The following SDC2 variants were observed in gnomAD, a reference collection of about 807,000 sequenced individuals.
SDC2 encodes syndecan-2.
In SDC2, 13 loss-of-function variants were observed where a neutral mutation model predicts 22.2. The observed-to-expected ratio is 0.59, with a 90% CI of 0.38 to 0.93. The LOEUF is 0.93. Among genes scored for constraint, SDC2 ranks in the 40% least tolerant of loss-of-function variants. The pLI, the probability that SDC2 is intolerant of heterozygous loss-of-function variation, is 0.00. For missense variants in SDC2, 235 were observed against 246.8 expected, an observed-to-expected ratio of 0.95 and a Z score of 0.32; for synonymous variants, 94 against 92.8, an observed-to-expected ratio of 1.01 and a Z score of -0.07.
At chr8:96,558,209 G>A (rs1413988343) in intron 1 of SDC2, among the ~76,000 whole-genome samples, 5 of 152,048 alleles carry the variant, frequency 3.3e-5, no homozygotes, top group African/African-American at 1.2e-4. Flanking sequence ...AGGGTGAGAG[G>A]AAAGGAGCTG....
intron 1 of SDC2, among the ~76,000 whole-genome samples, chr8:96,563,960 A>G (rs1814253406): frequency 6.6e-6 from 1 of 152,220 alleles, no homozygotes; most frequent in African/African-American, 2.4e-5. Flanking sequence ...ATTACAGACC[A>G]ACAGGCCCTA....
At chr8:96,572,392 G>A (rs1248397662) in intron 1 of SDC2, among the ~76,000 whole-genome samples, 2 of 152,130 alleles carry the variant, frequency 1.3e-5, no homozygotes, top group African/African-American at 2.4e-5. Flanking sequence ...CTGTGCACTG[G>A]TCTTTTGTGG....
chr8:96,533,240 G>C (rs181505578), intron 1 of SDC2, among the ~76,000 whole-genome samples: 2 of 152,130 alleles, frequency 1.3e-5, no homozygotes, highest in African/African-American at 4.8e-5. Flanking sequence ...AGGGGGACCC[G>C]AGCAGGTTCC....
chr8:96,517,660 T>C (rs1368881784), intron 1 of SDC2, among the ~76,000 whole-genome samples: 1 of 152,204 alleles, frequency 6.6e-6, no homozygotes, highest in African/African-American at 2.4e-5. Flanking sequence ...GGTTTATTTC[T>C]GCACTCTCAA....
intron 1 of SDC2, among the ~76,000 whole-genome samples, chr8:96,544,408 A>T (rs1389539641): frequency 6.6e-6 from 1 of 151,978 alleles, no homozygotes; most frequent in Admixed American, 6.6e-5. Flanking sequence ...CTGCTTGCTG[A>T]CTGTCTTTTC....
intron 1 of SDC2, among the ~76,000 whole-genome samples, chr8:96,499,941 C>G (rs544728336): frequency 2.0e-5 from 3 of 152,296 alleles, no homozygotes; most frequent in African/African-American, 7.2e-5. Flanking sequence ...TCTGTTGACA[C>G]TGCATGCTGA....
At chr8:96,598,719 G>A (rs1037393709) in intron 2 of SDC2, among the ~76,000 whole-genome samples, 2 of 152,058 alleles carry the variant, frequency 1.3e-5, no homozygotes, top group African/African-American at 2.4e-5. Flanking sequence ...CTTCAGAGAG[G>A]GGGTGATATT....
At chr8:96,499,957 A>G (rs1023234052) in intron 1 of SDC2, among the ~76,000 whole-genome samples, 1 of 152,204 alleles carries the variant, frequency 6.6e-6, no homozygotes, top group African/African-American at 2.4e-5. Flanking sequence ...GCTGAAGTGC[A>G]GATACCCGTG....
intron 1 of SDC2, among the ~76,000 whole-genome samples, chr8:96,570,958 A>G (rs1478228466): frequency 5.3e-5 from 8 of 152,150 alleles, no homozygotes; most frequent in Admixed American, 5.2e-4. Flanking sequence ...TCAGTTTGGG[A>G]TGATGAAAGG....
intron 1 of SDC2, among the ~76,000 whole-genome samples, chr8:96,518,509 C>T (rs1314093645): frequency 1.3e-5 from 2 of 152,050 alleles, no homozygotes; most frequent in East Asian, 1.9e-4. Flanking sequence ...TACAGACGCC[C>T]GCCACCAGGC....
chr8:96,600,793 A>G (rs1169790384), intron 2 of SDC2, among the ~76,000 whole-genome samples: 1 of 152,210 alleles, frequency 6.6e-6, no homozygotes, highest in African/African-American at 2.4e-5. Flanking sequence ...TGGTTTGGAC[A>G]TGTTCAGAGG....
At chr8:96,552,112 G>A (rs1473150748) in intron 1 of SDC2, among the ~76,000 whole-genome samples, 1 of 152,204 alleles carries the variant, frequency 6.6e-6, no homozygotes, top group Admixed American at 6.5e-5. Context: ...CTGATTTGAT[G>A]TTGCTCTTTT....
intron 1 of SDC2, among the ~76,000 whole-genome samples, chr8:96,582,146 G>A (rs372826475): frequency 5.3e-5 from 8 of 152,106 alleles, no homozygotes; most frequent in Admixed American, 1.3e-4. Context: ...ATATTTTCCT[G>A]GTTCTTCTGT....
Position 96,494,129 on chromosome 8 carries a change from GCC to G in SDC2, c.-141_-140del. The G allele has an allele frequency of 1.3e-6, 1 of 791,702 alleles. No homozygotes were observed. Among genetic ancestry groups the G allele is most frequent in the Non-Finnish European group, 1.9e-6 (1 of 520,390 alleles). 49.0% of individuals were successfully genotyped at this position (791,702 alleles called of 1,614,324 possible). The stretch of plus-strand genomic sequence containing the variant: ...GGAAGCGAGCGCCCCCGAGCCCCGA[GCC>G]CGAGTCCCCGAGCCTGAGCCGCAAT... On this transcript the variant is annotated 5_prime_UTR_variant, in exon 1 of 5. Transcript: ENST00000302190.
chr8:96,572,009 G>A (rs1444294533), intron 1 of SDC2, among the ~76,000 whole-genome samples: 1 of 152,164 alleles, frequency 6.6e-6, no homozygotes, highest in Non-Finnish European at 1.5e-5. Context: ...TTGTTAGGAA[G>A]GTAAATTGGG....
chr8:96,570,018 T>A (rs369108815), intron 1 of SDC2, among the ~76,000 whole-genome samples: 2 of 152,198 alleles, frequency 1.3e-5, no homozygotes, highest in East Asian at 3.8e-4. Flanking sequence ...TTCGTGTGAT[T>A]TGTTGATCTA....
chr8:96,586,003 A>G (rs865937474), intron 1 of SDC2, among the ~76,000 whole-genome samples: 11 of 152,194 alleles, frequency 7.2e-5, no homozygotes, highest in Admixed American at 2.6e-4. Context: ...TTCTTTTTTC[A>G]AACAAAAGAG....
chr8:96,593,451 T>C (rs1814819023), intron 1 of SDC2, 29 bp from the exon 2 acceptor site: 1 of 1,476,510 alleles, frequency 6.8e-7, no homozygotes, highest in Non-Finnish European at 9.5e-7. Context: ...TCTCTCAACA[T>C]CCTGACTCCC....
chr8:96,595,590 G>A (rs1216404512), intron 2 of SDC2, among the ~76,000 whole-genome samples: 4 of 150,572 alleles, frequency 2.7e-5, no homozygotes, highest in Non-Finnish European at 5.9e-5. Flanking sequence ...GACATTTTTT[G>A]TTCCTACTTC....
Sources: allele counts gnomAD v4.1 joint callset (sites outside exome capture counted in the v4.1 genomes callset), GRCh38; gene constraint gnomAD v4.1.1; transcripts MANE v1.5; gene names NCBI Gene and HGNC (gene_info 2026-07-23, HGNC 2026-07-21).